Variants in PPCS observed in about 807,000 individuals in gnomAD.
The protein encoded by PPCS is phosphopantothenoylcysteine synthetase, also known as phosphopantothenate--cysteine ligase.
PPCS carries 17 observed loss-of-function variants against 24.6 expected under a neutral mutation model. The observed-to-expected ratio is 0.69, with a 90% confidence interval of 0.47 to 1.04. The LOEUF is 1.04. Among genes scored for constraint, PPCS ranks in the 50% least tolerant of loss-of-function variants. The probability of loss-of-function intolerance (pLI) is 0.00; values close to 1 mark genes in which losing one functional copy is unlikely to be tolerated. For synonymous variants in PPCS, 190 were observed against 168.3 expected (o/e 1.13, Z -1.00); for missense variants, 360 against 402.8 (o/e 0.89, Z 0.91).
At position 42,457,314 on chromosome 1, in the gene PPCS, T is replaced by C. The variant is rs1228293834; in HGVS notation, c.576T>C (p.Pro192=). Reference sequence around the variant, plus strand: ...TCTATGTTCCTGTCTCTGAAATGCCTGAACACAAGATCCAGTCATCTGGGG... The same window carrying C: ...TCTATGTTCCTGTCTCTGAAATGCCCGAACACAAGATCCAGTCATCTGGGG... ...SDFYVPVSEM[P]EHKIQSSGGP... is the part of the protein sequence containing the mutation. The change falls in exon 2 of 3, where the codon CCT becomes CCC. Residue 192 remains proline, a synonymous_variant. Transcript: ENST00000372561. The C allele has an allele frequency of 6.2e-7, 1 of 1,614,098 alleles. No individual in the cohort carries two copies. The highest frequency in any genetic ancestry group is 1.3e-5 in the African/African-American group (1 of 74,946).
chr1:42,466,197 T>C (rs1042249632), downstream of PPCS, among the ~76,000 whole-genome samples: 12 of 152,228 alleles, frequency 7.9e-5, no homozygotes, highest in Admixed American at 7.8e-4. Context: ...GGCTGTGCTA[T>C]GTACTTTGTT....
At chr1:42,462,822 CT>C (rs540206523), downstream of PPCS, among the ~76,000 whole-genome samples, 106 of 152,300 alleles carry the variant, frequency 7.0e-4, no homozygotes, top group African/African-American at 2.4e-3. Flanking sequence ...CAGTTTCTTC[CT>C]TTTTACAATA....
rs1643379371 is a variant in PPCS, at chr1:42,460,415, A to ATGCTT, written c.*491_*492insCTTTG. On this transcript the variant is annotated 3_prime_UTR_variant, in exon 3 of 3. Coordinates refer to ENST00000372561, the MANE Select transcript of PPCS (RefSeq NM_024664.4). Reference sequence around the variant, plus strand: ...TCCAAAAGCTGACACAATGGAAAGGATGTTTTGTTTTGTTTGAAATTTATC... The same window carrying ATGCTT: ...TCCAAAAGCTGACACAATGGAAAGGATGCTTTGTTTTGTTTTGTTTGAAATTTATC... 2.0e-6 allele frequency: 2 copies of ATGCTT among 984,692 alleles called. No individual in the cohort carries two copies. Among genetic ancestry groups the ATGCTT allele is most frequent in the African/African-American group, 3.5e-5 (2 of 57,196 alleles). The allele number at this position is 984,692 out of a possible 1,614,324, so 61.0% of individuals were successfully genotyped here.
At chr1:42,457,608 C>T (rs532170361) in intron 2 of PPCS, 7 of 488,662 alleles carry the variant, frequency 1.4e-5, no homozygotes, top group African/African-American at 1.2e-4. Flanking sequence ...CGAGTGAATC[C>T]TGGGGGAGTC....
rs371461760 is a variant in PPCS at position 42,457,344 on chromosome 1, A to T, written c.606A>T (p.Pro202=). 79 of 1,613,294 alleles carry T rather than the reference A, an allele frequency of 4.9e-5. No homozygotes were observed. The African/African-American group carries it at 8.4e-4, about 17-fold the overall frequency. ...ACAAGATCCAGTCATCTGGGGGCCCACTGCAGGTGATGGGCGCTTCTCTTC... is the reference window on the plus strand; with the variant it reads ...ACAAGATCCAGTCATCTGGGGGCCCTCTGCAGGTGATGGGCGCTTCTCTTC... The part of the protein sequence containing the change: ...PEHKIQSSGG[P]LQITMKMVPK... The change falls in exon 2 of 3, where the codon CCA becomes CCT. Residue 202 remains proline, a synonymous_variant. Coordinates refer to ENST00000372561, the MANE Select transcript of PPCS (RefSeq NM_024664.4).
chr1:42,463,266 T>A (rs538597585), downstream of PPCS: 1 of 152,246 alleles, frequency 6.6e-6, no homozygotes, highest in African/African-American at 2.4e-5. Context: ...CGCGTCTGCG[T>A]CTCTGCGGCG....
At chr1:42,466,752 A>G (rs1455933438) in intron 2 of PPCS, among the ~76,000 whole-genome samples, 1 of 151,916 alleles carries the variant, frequency 6.6e-6, no homozygotes, top group Admixed American at 6.6e-5. Context: ...AGGTTTCCCC[A>G]TGTTGGCCAG....
chr1:42,458,539 G>A (rs897800650), intron 2 of PPCS, among the ~76,000 whole-genome samples: 5 of 152,198 alleles, frequency 3.3e-5, no homozygotes. Context: ...TGCTTCCTCT[G>A]CAGAGGAGAC....
chr1:42,460,283 C>T lies in PPCS; in HGVS notation c.*357C>T, dbSNP rs1042718413. 3.0e-6 allele frequency: 3 copies of T among 1,010,656 alleles called. No homozygotes were observed. The highest frequency in any genetic ancestry group is 3.6e-6 in the Non-Finnish European group (3 of 843,990). The allele number at this position is 1,010,656 out of a possible 1,614,324, so 62.6% of individuals were successfully genotyped here. A position where few individuals can be genotyped will look rare whatever the true frequency, so the allele number is the denominator to read the frequency against. On this transcript the variant is annotated 3_prime_UTR_variant, in exon 3 of 3. Transcript: ENST00000372561. ...TGGAGATCAAATATTGGTTGAATGC[C>T]TATGTATGTCAGGCCCTGTGCTGAG...
At chr1:42,465,854 G>A (rs528666008), downstream of PPCS, among the ~76,000 whole-genome samples, 3 of 152,332 alleles carry the variant, frequency 2.0e-5, no homozygotes, top group Non-Finnish European at 4.4e-5. Flanking sequence ...CAGAATGTCA[G>A]TAGTGCCAGG....
intron 2 of PPCS, among the ~76,000 whole-genome samples, chr1:42,472,574 T>A (rs2148443289): frequency 6.6e-6 from 1 of 152,218 alleles, no homozygotes; most frequent in Non-Finnish European, 1.5e-5. Context: ...TCTTTGGACT[T>A]TAAAAAAGAA....
In PPCS at chr1:42,468,073, C is replaced by A. The variant is rs180754994; in HGVS notation, n.378-5049C>A. On this transcript the variant is annotated intron_variant and non_coding_transcript_variant, in intron 2 of 2. Coordinates refer to the PPCS transcript ENST00000471420. ...TCTGTATCCAATTCCTGTGTAGCCACATTTAGTTTCCAGCATATGTCCTTG... is the reference window on the plus strand; with the variant it reads ...TCTGTATCCAATTCCTGTGTAGCCAAATTTAGTTTCCAGCATATGTCCTTG... Among the ~76,000 whole-genome samples the A allele has an allele frequency of 7.2e-5, 11 of 152,294 alleles. No individual in the cohort carries two copies. The East Asian group carries it at 2.1e-3, about 29-fold the overall frequency.
At chr1:42,462,462 A>C (rs1643437898), downstream of PPCS, among the ~76,000 whole-genome samples, 1 of 152,208 alleles carries the variant, frequency 6.6e-6, no homozygotes, top group South Asian at 2.1e-4. Flanking sequence ...AGGTTGAGGC[A>C]CTTTATTATA....
chr1:42,459,977 T>C lies in PPCS; in HGVS notation c.*51T>C. On this transcript the variant is annotated 3_prime_UTR_variant, in exon 3 of 3. Coordinates refer to ENST00000372561, the MANE Select transcript of PPCS (RefSeq NM_024664.4). ...AATTGTTCAGGGCTCTTAGAGATGG[T>C]GAAAACTACAAAAAAAACCATGGCT... 1 of 1,521,488 alleles carries C rather than the reference T, an allele frequency of 6.6e-7. No homozygotes were observed. The highest frequency in any genetic ancestry group is 2.3e-5 in the East Asian group (1 of 44,068). 94.2% of individuals were successfully genotyped at this position (1,521,488 alleles called of 1,614,324 possible).
chr1:42,463,008 C>A (rs540286067), downstream of PPCS, among the ~76,000 whole-genome samples: 1 of 151,390 alleles, frequency 6.6e-6, no homozygotes, highest in South Asian at 2.1e-4. Context: ...TGAGTCCTGG[C>A]GGGAAGTTCT....
chr1:42,465,384 G>A (rs994315412), downstream of PPCS, among the ~76,000 whole-genome samples: 4 of 151,772 alleles, frequency 2.6e-5, no homozygotes, highest in African/African-American at 9.7e-5. Context: ...TTTTGTTTGA[G>A]ACGGAATTTC....
chr1:42,465,276 G>A (rs57379143), downstream of PPCS, among the ~76,000 whole-genome samples: 2,220 of 152,188 alleles, frequency 0.015, 52 homozygotes, highest in African/African-American at 0.051. Flanking sequence ...GCACCACTGC[G>A]CTCCAACCTG....
At chr1:42,471,635 C>G (rs1001849529) in intron 2 of PPCS, among the ~76,000 whole-genome samples, 1 of 152,060 alleles carries the variant, frequency 6.6e-6, no homozygotes, top group South Asian at 2.1e-4. Context: ...TGCTCAAAGA[C>G]CTTGTAGGGA....
intron 2 of PPCS, among the ~76,000 whole-genome samples, chr1:42,467,491 C>T (rs1461769869): frequency 6.6e-6 from 1 of 152,104 alleles, no homozygotes; most frequent in African/African-American, 2.4e-5. Flanking sequence ...AAGGATGACT[C>T]CTGGGTTTCT....
Sources: allele counts gnomAD v4.1 joint callset (sites outside exome capture counted in the v4.1 genomes callset), GRCh38; gene constraint gnomAD v4.1.1; transcripts MANE v1.5; gene names NCBI Gene and HGNC (gene_info 2026-07-23, HGNC 2026-07-21).